Variants in CCDC102B observed in about 807,000 individuals in gnomAD.
CCDC102B encodes coiled-coil domain-containing protein 102B.
In CCDC102B, 75 loss-of-function variants were observed where a neutral mutation model predicts 57.4. The ratio of observed to expected loss-of-function variants is 1.31; its 90% CI spans 1.08 to 1.58. The LOEUF (loss-of-function observed/expected upper bound fraction) is 1.58. Among genes scored for constraint, CCDC102B ranks in the 40% most tolerant of loss-of-function variants. The pLI is 0.00. For synonymous variants in CCDC102B, 206 were observed against 201.9 expected (o/e 1.02, Z -0.17); for missense variants, 636 against 582.6 (o/e 1.09, Z -0.94).
intron 3 of CCDC102B, among the ~76,000 whole-genome samples, chr18:68,842,830 G>A (rs2037695785): frequency 1.3e-5 from 2 of 152,112 alleles, no homozygotes; most frequent in African/African-American, 4.8e-5. Flanking sequence ...AATATTTTGA[G>A]CTATAATGTC....
At position 68,860,475 on chromosome 18, in the gene CCDC102B, CAA is replaced by C. The variant is rs1169097862; in HGVS notation, c.936+14066_936+14067del. Among the ~76,000 whole-genome samples, 44 of 53,070 alleles carry C rather than the reference CAA, an allele frequency of 8.3e-4. 3 individuals are homozygous for C. Among genetic ancestry groups the C allele is most frequent in the South Asian group, 1.9e-3 (3 of 1,606 alleles). The allele number at this position is 53,070 out of a possible 152,430, so 34.8% of individuals were successfully genotyped here. ...AATTAAAAAAAAACAAAAACAAAAA[CAA>C]AAAAAAAAAAAGACACTACAGGATG... On this transcript the variant is annotated intron_variant, in intron 4 of 7. Transcript: ENST00000360242.
intron 6 of CCDC102B, among the ~76,000 whole-genome samples, chr18:68,911,324 T>G (rs1431816857): frequency 6.6e-6 from 1 of 152,150 alleles, no homozygotes; most frequent in Non-Finnish European, 1.5e-5. Flanking sequence ...TTTAGCCAGC[T>G]AACGCAGGAA....
intron 6 of CCDC102B, among the ~76,000 whole-genome samples, chr18:68,975,091 C>T (rs2050398412): frequency 6.6e-6 from 1 of 151,914 alleles, no homozygotes; most frequent in Non-Finnish European, 1.5e-5. Flanking sequence ...GTAAAACCTG[C>T]CCACGTGGAA....
At chr18:69,040,420 ATGTGTGTGTGT>A (rs1568143772) in intron 7 of CCDC102B, among the ~76,000 whole-genome samples, 2 of 10,872 alleles carry the variant, frequency 1.8e-4, no homozygotes, top group African/African-American at 4.9e-4. Flanking sequence ...GTGTGTGTGT[ATGTGTGTGTGT>A]GTGAGATGGC....
chr18:68,952,467 A>G (rs933881946), intron 6 of CCDC102B, among the ~76,000 whole-genome samples: 1 of 152,144 alleles, frequency 6.6e-6, no homozygotes, highest in African/African-American at 2.4e-5. Flanking sequence ...TAGGTTATAG[A>G]GTAGATAACA....
At chr18:68,959,695 C>T (rs531421787) in intron 6 of CCDC102B, among the ~76,000 whole-genome samples, 2 of 152,020 alleles carry the variant, frequency 1.3e-5, no homozygotes, top group South Asian at 2.1e-4. Flanking sequence ...GAGCTGGCAC[C>T]CAAGCCATAA....
intron 6 of CCDC102B, among the ~76,000 whole-genome samples, chr18:68,900,913 G>A (rs910803524): frequency 1.3e-5 from 2 of 152,146 alleles, no homozygotes; most frequent in Non-Finnish European, 2.9e-5. Context: ...TGCAAGACCG[G>A]CTCTTCCATG....
At chr18:69,025,974 T>C (rs2051977852) in intron 7 of CCDC102B, among the ~76,000 whole-genome samples, 3 of 152,136 alleles carry the variant, frequency 2.0e-5, no homozygotes, top group Non-Finnish European at 4.4e-5. Context: ...TATGTGAGTG[T>C]GCTAAGCGTG....
chr18:68,865,880 T>C (rs552028906), intron 4 of CCDC102B, among the ~76,000 whole-genome samples: 1 of 152,232 alleles, frequency 6.6e-6, no homozygotes, highest in Non-Finnish European at 1.5e-5. Flanking sequence ...GTTAAAAATG[T>C]GGCTTTGCCA....
chr18:68,738,783 C>T (rs2033255558), intron 2 of CCDC102B, among the ~76,000 whole-genome samples: 1 of 152,138 alleles, frequency 6.6e-6, no homozygotes, highest in South Asian at 2.1e-4. Flanking sequence ...ACACTTTGTT[C>T]CCACTCCATG....
At chr18:68,779,826 A>T (rs908932780) in intron 2 of CCDC102B, among the ~76,000 whole-genome samples, 1 of 152,118 alleles carries the variant, frequency 6.6e-6, no homozygotes, top group East Asian at 1.9e-4. Flanking sequence ...TTGATTTTTT[A>T]AAAAGAAAAC....
At chr18:68,865,988 A>G (rs538327673) in intron 4 of CCDC102B, among the ~76,000 whole-genome samples, 79 of 152,318 alleles carry the variant, frequency 5.2e-4, no homozygotes, top group African/African-American at 1.8e-3. Context: ...CTTAATGCCT[A>G]CATTAACAAA....
At chr18:69,032,454 A>G (rs911273705) in intron 7 of CCDC102B, among the ~76,000 whole-genome samples, 1 of 152,184 alleles carries the variant, frequency 6.6e-6, no homozygotes, top group Admixed American at 6.5e-5. Flanking sequence ...AATAATGAGC[A>G]TATTACTTAG....
intron 1 of CCDC102B, among the ~76,000 whole-genome samples, chr18:68,829,403 A>C (rs930134213): frequency 6.6e-6 from 1 of 152,026 alleles, no homozygotes; most frequent in African/African-American, 2.4e-5. Context: ...TTGATGTGGA[A>C]TACAGTTTAG....
intron 6 of CCDC102B, among the ~76,000 whole-genome samples, chr18:69,009,842 A>C (rs1471834640): frequency 6.6e-6 from 1 of 151,178 alleles, no homozygotes; most frequent in Non-Finnish European, 1.5e-5. Flanking sequence ...AGGAAACCAA[A>C]GAAATATCCT....
intron 4 of CCDC102B, among the ~76,000 whole-genome samples, chr18:68,847,908 A>T (rs368511122): frequency 1.3e-5 from 2 of 151,912 alleles, no homozygotes; most frequent in East Asian, 3.9e-4. Context: ...TGAATTATTT[A>T]TATGGAAATT....
At chr18:68,886,766 T>G (rs1278167381) in intron 5 of CCDC102B, among the ~76,000 whole-genome samples, 1 of 152,094 alleles carries the variant, frequency 6.6e-6, no homozygotes, top group Non-Finnish European at 1.5e-5. Context: ...GTTTATTCCA[T>G]GCATCTAGTT....
At chr18:68,905,889 G>A (rs565308385) in intron 6 of CCDC102B, among the ~76,000 whole-genome samples, 1 of 141,830 alleles carries the variant, frequency 7.1e-6, no homozygotes, top group African/African-American at 2.6e-5. Flanking sequence ...CGCCTCCCGG[G>A]TTCACGCCGT....
upstream of CCDC102B, among the ~76,000 whole-genome samples, chr18:68,793,968 T>A (rs1381739117): frequency 1.3e-5 from 2 of 152,158 alleles, no homozygotes; most frequent in African/African-American, 4.8e-5. Flanking sequence ...GACCTCCCAA[T>A]TAGGTGATAA....
Sources: allele counts gnomAD v4.1 joint callset (sites outside exome capture counted in the v4.1 genomes callset), GRCh38; gene constraint gnomAD v4.1.1; transcripts MANE v1.5; gene names NCBI Gene and HGNC (gene_info 2026-07-23, HGNC 2026-07-21).